The following TRAPPC11 variants were observed in gnomAD, a reference collection of about 807,000 sequenced individuals.
The protein encoded by TRAPPC11 is foie gras homolog.
A neutral mutation model predicts 151.2 loss-of-function variants in TRAPPC11; 104 were observed. The observed-to-expected ratio is 0.69, with a 90% CI of 0.59 to 0.81. TRAPPC11 has a LOEUF of 0.81. Among genes scored for constraint, TRAPPC11 ranks in the 30% least tolerant of loss-of-function variants. The pLI is 0.00. For missense variants in TRAPPC11, 1,230 were observed against 1,349.6 expected, an observed-to-expected ratio of 0.91 and a Z score of 1.39; for synonymous variants, 456 against 472.3, an observed-to-expected ratio of 0.97 and a Z score of 0.45.
At position 183,694,024 on chromosome 4, in the gene TRAPPC11, C is replaced by G. The variant is rs781444603; in HGVS notation, c.2494C>G (p.His832Asp). The G allele has an allele frequency of 1.2e-6, 2 of 1,613,914 alleles. No individual in the cohort carries two copies. The highest frequency in any genetic ancestry group is 1.7e-5 in the Admixed American group (1 of 60,020). The change falls in exon 22 of 30, where the codon CAT (histidine) becomes GAT (aspartate). Residue 832 changes from histidine to aspartate, a missense_variant. His to Asp is a moderately conservative substitution (Grantham distance 81). Coordinates refer to ENST00000334690, the MANE Select transcript of TRAPPC11 (RefSeq NM_021942.6). ...LLTDIPVGDL[H>D]PGEQLEKMLY... ...CACTGACATTCCTGTTGGAGACTTACATCCAGGGGAACAGGTAAACTTGGT... is the reference window on the plus strand; with the variant it reads ...CACTGACATTCCTGTTGGAGACTTAGATCCAGGGGAACAGGTAAACTTGGT...
Position 183,664,007 on chromosome 4 carries a change from A to G in TRAPPC11, c.140A>G (p.Asp47Gly). The change falls in exon 2 of 30, where the codon GAT becomes GGT. Residue 47 changes from aspartate (D) to glycine (G), a missense_variant. Coordinates refer to ENST00000334690, the MANE Select transcript of TRAPPC11 (RefSeq NM_021942.6). ...GCCTTCTGTGCAAATCGGAGAGCTG[A>G]TCGAGTACCAATTTCTTTCAAGGTG... is the stretch of plus-strand genomic sequence containing the variant. ...WDAFCANRRA[D>G]RVPISFKVLP... 1 of 1,613,946 alleles carries G rather than the reference A, an allele frequency of 6.2e-7. No homozygotes were observed. The highest frequency in any genetic ancestry group is 8.5e-7 in the Non-Finnish European group (1 of 1,179,996).
At chr4:183,684,432 T>C (rs1411762787) in intron 14 of TRAPPC11, 73 bp downstream of exon 14, 2 of 1,365,418 alleles carry the variant, frequency 1.5e-6, no homozygotes, top group African/African-American at 2.9e-5. Context: ...GAAATCAGTG[T>C]TGAAGGAGTT....
chr4:183,677,235 G>A (rs1341226585), intron 7 of TRAPPC11, among the ~76,000 whole-genome samples: 1 of 152,112 alleles, frequency 6.6e-6, no homozygotes, highest in Non-Finnish European at 1.5e-5. Context: ...GTTAATGACA[G>A]GAAGAACAAC....
chr4:183,689,864 T>A (rs1312953881), intron 18 of TRAPPC11, among the ~76,000 whole-genome samples: 4 of 151,912 alleles, frequency 2.6e-5, no homozygotes, highest in African/African-American at 7.3e-5. Context: ...TATAAAGCAA[T>A]TAGTTTTAAA....
Position 183,694,691 on chromosome 4 carries a change from G to T in TRAPPC11, c.2596G>T (p.Glu866Ter). ...TTCTTACCTGATAAATACAACCGTTGAAGAAAAAGAAATTGTTTGCAAGTG... is the reference window on the plus strand; with the variant it reads ...TTCTTACCTGATAAATACAACCGTTTAAGAAAAAGAAATTGTTTGCAAGTG... ...YVSYLINTTVEEKEIVCKCHK... is the reference protein window; with the variant it reads ...YVSYLINTTV The change falls in exon 23 of 30, where the codon GAA becomes TAA. Residue 866 changes from glutamate to a stop codon, truncating the protein, a stop_gained. Transcript: ENST00000334690. LOFTEE classifies it high-confidence loss of function. 6.2e-7 allele frequency: 1 copy of T among 1,608,192 alleles called. No individual in the cohort carries two copies. The highest frequency in any genetic ancestry group is 8.5e-7 in the Non-Finnish European group (1 of 1,178,688).
intron 27 of TRAPPC11, among the ~76,000 whole-genome samples, chr4:183,706,512 G>T (rs1737079610): frequency 6.8e-6 from 1 of 146,908 alleles, no homozygotes; most frequent in Non-Finnish European, 1.5e-5. Context: ...GAAAGAGCGA[G>T]ACTCCGCCTC....
chr4:183,685,000 A>AT, intron 15 of TRAPPC11, 84 bp from the exon 16 acceptor site: 1 of 1,379,570 alleles, frequency 7.2e-7, no homozygotes, highest in East Asian at 2.3e-5. Context: ...ATTTATTATT[A>AT]TATCAAGTTT....
intron 23 of TRAPPC11, among the ~76,000 whole-genome samples, chr4:183,696,851 C>T (rs1215895079): frequency 2.0e-5 from 3 of 152,264 alleles, no homozygotes; most frequent in East Asian, 3.9e-4. Context: ...CGGATGATAG[C>T]AGTGTCTGTC....
chr4:183,685,013 A>G (rs969739301), intron 15 of TRAPPC11, 71 bp from the exon 16 acceptor site: 11 of 1,482,638 alleles, frequency 7.4e-6, no homozygotes, highest in Non-Finnish European at 8.3e-6. Context: ...TCAAGTTTCT[A>G]AAACAATAAA....
Position 183,663,891 on chromosome 4 carries a change from C to A in TRAPPC11, c.24C>A (p.Phe8Leu), listed in dbSNP as rs1734697591. 10 of 1,614,058 alleles carry A rather than the reference C, an allele frequency of 6.2e-6. No individual in the cohort carries two copies. Among genetic ancestry groups the A allele is most frequent in the Non-Finnish European group, 8.5e-6 (10 of 1,180,014 alleles). The part of the protein sequence containing the change: MSPTQWD[F>L]PVELCCRPMA... ...ACATGAGCCCCACACAGTGGGACTT[C>A]CCTGTGGAATTATGTTGCCGGCCTA... Residue 8 changes from phenylalanine to leucine, a missense_variant, in exon 2 of 30, where the codon TTC (phenylalanine) becomes TTA (leucine). Transcript: ENST00000334690.
intron 29 of TRAPPC11, among the ~76,000 whole-genome samples, chr4:183,711,357 A>G (rs1212557748): frequency 1.3e-5 from 2 of 152,226 alleles, no homozygotes; most frequent in Non-Finnish European, 2.9e-5. Context: ...GCCATACCAG[A>G]CAGTGACGTC....
intron 5 of TRAPPC11, among the ~76,000 whole-genome samples, chr4:183,673,431 TG>T (rs1735253028): frequency 6.6e-6 from 1 of 152,172 alleles, no homozygotes; most frequent in Non-Finnish European, 1.5e-5. Flanking sequence ...CCCAATACTT[TG>T]GGAGATCGAG....
chr4:183,660,802 C>T (rs1445103220), intron 1 of TRAPPC11, among the ~76,000 whole-genome samples: 2 of 152,182 alleles, frequency 1.3e-5, no homozygotes, highest in African/African-American at 4.8e-5. Context: ...AAATCTCCGC[C>T]TCCCGGGTTC....
Position 183,692,951 on chromosome 4 carries a change from T to C in TRAPPC11, c.2050-9T>C. 1 of 1,587,852 alleles carries C rather than the reference T, an allele frequency of 6.3e-7. No homozygotes were observed. The highest frequency in any genetic ancestry group is 8.6e-7 in the Non-Finnish European group (1 of 1,166,608). The stretch of plus-strand genomic sequence containing the variant: ...ATGACATTTCCAACATCCTTTTTTT[T>C]CTTTTTAGATTACTTCAGTGGATCT... On this transcript the variant is annotated splice_polypyrimidine_tract_variant and intron_variant, in intron 19 of 29. Coordinates refer to ENST00000334690, the MANE Select transcript of TRAPPC11 (RefSeq NM_021942.6).
chr4:183,663,678 T>A (rs895165911), intron 1 of TRAPPC11, among the ~76,000 whole-genome samples, 169 bp from the exon 2 acceptor site: 2 of 152,044 alleles, frequency 1.3e-5, no homozygotes, highest in African/African-American at 4.8e-5. Context: ...CTTGTAATGA[T>A]TATTTTTTTG....
intron 24 of TRAPPC11, 46 bp downstream of exon 24, chr4:183,697,614 T>C: frequency 3.1e-6 from 5 of 1,605,388 alleles, no homozygotes; most frequent in Non-Finnish European, 4.2e-6. Context: ...GTTATAAAAA[T>C]GGACTGAAAT....
intron 12 of TRAPPC11, 42 bp from the exon 13 acceptor site, chr4:183,684,103 A>G (rs761444857): frequency 1.2e-6 from 2 of 1,606,430 alleles, no homozygotes; most frequent in Non-Finnish European, 8.5e-7. Context: ...TTTAAGAAAA[A>G]TATTTGTATT....
In TRAPPC11 at chr4:183,683,981, A is replaced by T; in HGVS notation, c.1214A>T (p.Asp405Val). Residue 405 changes from aspartate to valine, a missense_variant, in exon 12 of 30, where the codon GAT becomes GTT. Asp to Val is a radical substitution (Grantham distance 152). Transcript: ENST00000334690. ...RSWRQGILSFDLSDPEKEKVG... is the reference protein window; with the variant it reads ...RSWRQGILSFVLSDPEKEKVG... Reference sequence around the variant, plus strand: ...TGTGTCTCATCTTACGCAGGTTTTGATCTTTCTGATCCTGAAAAAGAAAAG... The same window carrying T: ...TGTGTCTCATCTTACGCAGGTTTTGTTCTTTCTGATCCTGAAAAAGAAAAG... 1 of 1,613,922 alleles carries T rather than the reference A, an allele frequency of 6.2e-7. No homozygotes were observed. The highest frequency in any genetic ancestry group is 8.5e-7 in the Non-Finnish European group (1 of 1,179,850).
intron 5 of TRAPPC11, among the ~76,000 whole-genome samples, chr4:183,672,695 G>C (rs1735212584): frequency 6.6e-6 from 1 of 152,164 alleles, no homozygotes; most frequent in Admixed American, 6.5e-5. Context: ...GGAAATAATA[G>C]CACTTACCAA....
Sources: gnomAD v4.1 joint callset for allele counts (sites outside exome capture counted in the v4.1 genomes callset) on GRCh38, gnomAD v4.1.1 for gene constraint, MANE v1.5 for transcripts, NCBI Gene and HGNC (gene_info 2026-07-23, HGNC 2026-07-21) for gene names.